The following CMIP variants were observed in gnomAD, a reference collection of about 807,000 sequenced individuals.
CMIP encodes c-Maf inducing protein, also known as C-Maf-inducing protein.
A neutral mutation model predicts 97.3 loss-of-function variants in CMIP; 13 were observed. The ratio of observed to expected loss-of-function variants is 0.13; its 90% CI spans 0.09 to 0.21. The LOEUF is 0.21. Ranked by LOEUF, CMIP falls within the 10% of genes least tolerant of loss-of-function variation. The pLI is 1.00. For synonymous variants in CMIP, 538 were observed against 436.3 expected, an observed-to-expected ratio of 1.23 and a Z score of -2.91; for missense variants, 847 against 1,024.9, an observed-to-expected ratio of 0.83 and a Z score of 2.37.
chr16:81,653,812 C>T (rs750049054), intron 4 of CMIP, among the ~76,000 whole-genome samples: 1 of 152,218 alleles, frequency 6.6e-6, no homozygotes, highest in Non-Finnish European at 1.5e-5. Flanking sequence ...AAGGTTTCAC[C>T]GTGTTGGCCA....
intron 1 of CMIP, among the ~76,000 whole-genome samples, chr16:81,568,413 G>A (rs1339595935): frequency 1.3e-5 from 2 of 152,160 alleles, no homozygotes; most frequent in East Asian, 1.9e-4. Context: ...ATCAGCAAAA[G>A]CCTCAAAGTC....
intron 1 of CMIP, among the ~76,000 whole-genome samples, chr16:81,563,693 A>G (rs1393389068): frequency 6.6e-6 from 1 of 152,118 alleles, no homozygotes; most frequent in African/African-American, 2.4e-5. Context: ...TCTTATTATC[A>G]TGAGCTGTGC....
At chr16:81,693,327 G>T in intron 12 of CMIP, 112 bp from the exon 13 acceptor site, 1 of 1,460,700 alleles carries the variant, frequency 6.8e-7, no homozygotes, top group Non-Finnish European at 9.4e-7. Flanking sequence ...CTGATCCACC[G>T]CCTTGCCCAG....
chr16:81,560,488 G>A (rs891726785), intron 1 of CMIP, among the ~76,000 whole-genome samples: 1 of 152,166 alleles, frequency 6.6e-6, no homozygotes, highest in African/African-American at 2.4e-5. Flanking sequence ...AAAGTGCTGG[G>A]ATTACAGGCG....
At chr16:81,538,598 G>A (rs1025259957) in intron 1 of CMIP, among the ~76,000 whole-genome samples, 4 of 152,146 alleles carry the variant, frequency 2.6e-5, no homozygotes. Context: ...GATTTTCTTG[G>A]TCTGGTCTTG....
chr16:81,583,006 G>T (rs972167112), intron 1 of CMIP, among the ~76,000 whole-genome samples: 1 of 152,118 alleles, frequency 6.6e-6, no homozygotes, highest in Non-Finnish European at 1.5e-5. Context: ...AAGGGCAAAG[G>T]CTACTCCCTG....
chr16:81,496,902 C>T (rs1428481557), intron 1 of CMIP, among the ~76,000 whole-genome samples: 7 of 152,248 alleles, frequency 4.6e-5, no homozygotes, highest in South Asian at 2.1e-4. Flanking sequence ...GGGCAGTGCC[C>T]GGGACACCCA....
intron 7 of CMIP, chr16:81,665,488 G>A (rs1219615845): frequency 2.6e-5 from 4 of 152,220 alleles, no homozygotes; most frequent in African/African-American, 4.8e-5. Flanking sequence ...GAGGTGGGAC[G>A]GGATAGGCAG....
At chr16:81,547,682 C>G (rs1035753298) in intron 1 of CMIP, among the ~76,000 whole-genome samples, 3 of 151,986 alleles carry the variant, frequency 2.0e-5, no homozygotes, top group Non-Finnish European at 4.4e-5. Flanking sequence ...ATTGAGTGTC[C>G]GTTAGTTCAG....
chr16:81,524,874 A>C (rs1442615980), intron 1 of CMIP, among the ~76,000 whole-genome samples: 3 of 150,546 alleles, frequency 2.0e-5, no homozygotes, highest in African/African-American at 7.3e-5. Flanking sequence ...GCTCACTGCA[A>C]CCTCCACCTC....
chr16:81,585,188 A>C (rs936528324), intron 1 of CMIP, among the ~76,000 whole-genome samples: 2 of 152,194 alleles, frequency 1.3e-5, no homozygotes, highest in Admixed American at 6.5e-5. Flanking sequence ...CTAGAAATAC[A>C]AAAATTAGCC....
chr16:81,537,092 G>A (rs2090357113), intron 1 of CMIP, among the ~76,000 whole-genome samples: 1 of 152,178 alleles, frequency 6.6e-6, no homozygotes, highest in East Asian at 1.9e-4. Flanking sequence ...GTAAGTTGCT[G>A]GAAACTTCAG....
At chr16:81,692,817 C>T (rs529881749) in intron 11 of CMIP, among the ~76,000 whole-genome samples, 2 of 152,320 alleles carry the variant, frequency 1.3e-5, no homozygotes, top group South Asian at 4.1e-4. Context: ...CCGCCTTAAT[C>T]GTGGAACAAT....
chr16:81,627,520 A>G lies in CMIP; in HGVS notation c.477+6594A>G, dbSNP rs1380279744. On this transcript the variant is annotated intron_variant, in intron 3 of 20. Coordinates refer to ENST00000537098, the MANE Select transcript of CMIP (RefSeq NM_198390.3). The surrounding 1 kb of genome is among the most constrained non-coding windows in gnomAD (Gnocchi z 4.6). ...CCTGGCAGCCCCTTCCAGCCTCCAC[A>G]GGTGGTCCCGGCTGACTCATGGCCT... Among the ~76,000 whole-genome samples the G allele has an allele frequency of 7.1e-6, 1 of 141,490 alleles. No individual in the cohort carries two copies. Among genetic ancestry groups the G allele is most frequent in the Non-Finnish European group, 1.6e-5 (1 of 64,164 alleles). 92.8% of individuals were successfully genotyped at this position (141,490 alleles called of 152,430 possible). A position where few individuals can be genotyped will look rare whatever the true frequency, so the allele number is the denominator to read the frequency against.
chr16:81,538,303 C>T (rs1463987790), intron 1 of CMIP, among the ~76,000 whole-genome samples: 3 of 152,160 alleles, frequency 2.0e-5, no homozygotes, highest in Non-Finnish European at 4.4e-5. Flanking sequence ...CATAGGCGGC[C>T]CCCGGCGGTG....
rs144198964 is a variant in CMIP at position 81,466,543 on chromosome 16, A to G, written c.300+21002A>G. Reference sequence around the variant, plus strand: ...TGTAACGAAAGATGGGGGTGTGTCTACATCACAGGGTTATCATGAGGCATA... The same window carrying G: ...TGTAACGAAAGATGGGGGTGTGTCTGCATCACAGGGTTATCATGAGGCATA... On this transcript the variant is annotated intron_variant, in intron 1 of 20. Coordinates refer to ENST00000537098, the MANE Select transcript of CMIP (RefSeq NM_198390.3). Among the ~76,000 whole-genome samples the G allele has an allele frequency of 3.7e-3, 566 of 152,340 alleles. 5 individuals are homozygous for G. The highest frequency in any genetic ancestry group is 0.013 in the African/African-American group (526 of 41,580).
At chr16:81,654,090 C>T (rs1409557116) in intron 4 of CMIP, among the ~76,000 whole-genome samples, 1 of 152,230 alleles carries the variant, frequency 6.6e-6, no homozygotes, top group Non-Finnish European at 1.5e-5. Context: ...GGCTCAACCA[C>T]CACCACACCC....
rs1412227365 is a variant in CMIP at position 81,444,842 on chromosome 16, T to G, written c.-400T>G. On this transcript the variant is annotated 5_prime_UTR_variant, in exon 1 of 21. Transcript: ENST00000537098. Reference sequence around the variant, plus strand: ...CGGACGGCCGCGCGGACACACGCTCTGTACACACGCGCGCGGCGGCGCGGG... The same window carrying G: ...CGGACGGCCGCGCGGACACACGCTCGGTACACACGCGCGCGGCGGCGCGGG... Among the ~76,000 whole-genome samples, 10 of 142,178 alleles carry G rather than the reference T, an allele frequency of 7.0e-5. No individual in the cohort carries two copies. Among genetic ancestry groups the G allele is most frequent in the Admixed American group, 6.9e-4 (10 of 14,582 alleles). The allele number at this position is 142,178 out of a possible 152,430, so 93.3% of individuals were successfully genotyped here.
intron 11 of CMIP, 23 bp downstream of exon 11, chr16:81,691,863 G>A (rs1906117069): frequency 6.2e-7 from 1 of 1,604,878 alleles, no homozygotes; most frequent in Non-Finnish European, 8.5e-7. Flanking sequence ...TGCATCCCCG[G>A]AGCCCTCCCA....
Sources: allele counts gnomAD v4.1 joint callset (sites outside exome capture counted in the v4.1 genomes callset), GRCh38; gene constraint gnomAD v4.1.1; non-coding constraint Gnocchi (gnomAD v3.1); transcripts MANE v1.5; gene names NCBI Gene and HGNC (gene_info 2026-07-23, HGNC 2026-07-21).